Variants in TCF7L1 observed in about 807,000 individuals in gnomAD.
TCF7L1 encodes the protein transcription factor 7-like 1.
TCF7L1 carries 18 observed loss-of-function variants against 63.7 expected under a neutral mutation model. The observed-to-expected ratio is 0.28, with a 90% CI of 0.20 to 0.42. The LOEUF (loss-of-function observed/expected upper bound fraction) is 0.42, where lower values mean the gene tolerates loss of function less well. Among genes scored for constraint, TCF7L1 ranks in the 10% least tolerant of loss-of-function variants. The pLI is 1.00. For synonymous variants in TCF7L1, 355 were observed against 340.9 expected (o/e 1.04, Z -0.46); for missense variants, 654 against 779.3 (o/e 0.84, Z 1.91).
chr2:85,206,945 G>A (rs927940154), intron 3 of TCF7L1, among the ~76,000 whole-genome samples: 2 of 150,978 alleles, frequency 1.3e-5, no homozygotes, highest in African/African-American at 4.9e-5. Flanking sequence ...CCACTCTCTG[G>A]TCAGAAATGT....
At chr2:85,169,251 TA>T (rs1403185464) in intron 3 of TCF7L1, among the ~76,000 whole-genome samples, 1 of 152,054 alleles carries the variant, frequency 6.6e-6, no homozygotes, top group Non-Finnish European at 1.5e-5. Flanking sequence ...TGAACACACC[TA>T]GTGCGCTTCT....
intron 3 of TCF7L1, among the ~76,000 whole-genome samples, chr2:85,240,392 G>A (rs1680295778): frequency 1.3e-5 from 2 of 152,242 alleles, no homozygotes; most frequent in South Asian, 4.1e-4. Flanking sequence ...CCGGAGAGGA[G>A]TCAAAGGGCT....
intron 3 of TCF7L1, among the ~76,000 whole-genome samples, chr2:85,192,211 GTT>G (rs1679049301): frequency 1.3e-5 from 2 of 152,150 alleles, no homozygotes; most frequent in Non-Finnish European, 2.9e-5. Context: ...ATGACTACAT[GTT>G]TTCTATCCTC....
chr2:85,233,077 A>C (rs1680119641), intron 3 of TCF7L1: 1 of 151,934 alleles, frequency 6.6e-6, no homozygotes. Flanking sequence ...GACTACAGGT[A>C]TGTGCCACCA....
At chr2:85,161,638 G>C (rs1231309672) in intron 3 of TCF7L1, among the ~76,000 whole-genome samples, 2 of 152,218 alleles carry the variant, frequency 1.3e-5, no homozygotes, top group Non-Finnish European at 2.9e-5. Flanking sequence ...GAAGCTCAAG[G>C]AGCACAGAAG....
intron 3 of TCF7L1, among the ~76,000 whole-genome samples, chr2:85,236,738 C>T (rs555634778): frequency 1.3e-4 from 20 of 152,242 alleles, no homozygotes; most frequent in Admixed American, 5.2e-4. Flanking sequence ...GTCTGAGCTC[C>T]TGGGAGAAAG....
At chr2:85,189,814 C>T (rs951954896) in intron 3 of TCF7L1, among the ~76,000 whole-genome samples, 15 of 152,260 alleles carry the variant, frequency 9.9e-5, no homozygotes, top group African/African-American at 3.1e-4. Context: ...CTGAGAGGGG[C>T]GCTGCGAGCC....
At chr2:85,278,809 A>G (rs943097624) in intron 3 of TCF7L1, among the ~76,000 whole-genome samples, 4 of 152,354 alleles carry the variant, frequency 2.6e-5, no homozygotes, top group African/African-American at 7.2e-5. Flanking sequence ...ACATATGTAA[A>G]TCGAAGACAG....
chr2:85,144,417 C>CAAAAAAAAAA (rs55964315), intron 3 of TCF7L1, among the ~76,000 whole-genome samples: 1 of 95,046 alleles, frequency 1.1e-5, no homozygotes. Context: ...CCTGTCTCTA[C>CAAAAAAAAAA]AAAAAAAAAA....
At chr2:85,256,585 C>A (rs1182538871) in intron 3 of TCF7L1, among the ~76,000 whole-genome samples, 1 of 152,178 alleles carries the variant, frequency 6.6e-6, no homozygotes, top group Non-Finnish European at 1.5e-5. Context: ...GGGGTCGGCT[C>A]ACAGCTCATG....
At chr2:85,277,512 C>G (rs562879747) in intron 3 of TCF7L1, among the ~76,000 whole-genome samples, 156 of 152,190 alleles carry the variant, frequency 1.0e-3, no homozygotes, top group Non-Finnish European at 2.0e-3. Flanking sequence ...GATCCTGGCT[C>G]TAGGTCCCCA....
intron 3 of TCF7L1, among the ~76,000 whole-genome samples, chr2:85,245,065 G>C (rs745545604): frequency 4.6e-5 from 7 of 152,122 alleles, no homozygotes; most frequent in Non-Finnish European, 1.0e-4. Flanking sequence ...ATATAGACTT[G>C]GCACTCTGCC....
intron 3 of TCF7L1, among the ~76,000 whole-genome samples, chr2:85,150,454 G>C (rs1359817940): frequency 6.6e-6 from 1 of 152,020 alleles, no homozygotes; most frequent in African/African-American, 2.4e-5. Flanking sequence ...GGATGGTCTC[G>C]ATCTCCTGAC....
chr2:85,190,060 A>C (rs1013146989), intron 3 of TCF7L1, among the ~76,000 whole-genome samples: 3 of 151,868 alleles, frequency 2.0e-5, no homozygotes, highest in Non-Finnish European at 4.4e-5. Flanking sequence ...CTTTGTGTAC[A>C]CCTCTTGGAG....
intron 3 of TCF7L1, among the ~76,000 whole-genome samples, chr2:85,164,430 T>C (rs989875171): frequency 1.3e-5 from 2 of 152,062 alleles, no homozygotes; most frequent in African/African-American, 4.8e-5. Context: ...TGAAAACTCT[T>C]TGGACAAGAG....
intron 3 of TCF7L1, among the ~76,000 whole-genome samples, chr2:85,227,433 C>T (rs867063896): frequency 2.0e-5 from 3 of 150,890 alleles, no homozygotes; most frequent in Non-Finnish European, 4.4e-5. Flanking sequence ...AGAGTAATAC[C>T]CCCTCTTTTT....
intron 4 of TCF7L1, among the ~76,000 whole-genome samples, chr2:85,292,958 T>C (rs1411202506): frequency 2.0e-5 from 3 of 152,376 alleles, no homozygotes; most frequent in East Asian, 3.9e-4. Flanking sequence ...TTTCCACTGA[T>C]GGACCTGTGG....
rs530162923 is a variant in TCF7L1 at position 85,161,332 on chromosome 2, C to T, written c.441+26882C>T. Among the ~76,000 whole-genome samples the T allele has an allele frequency of 1.1e-3, 160 of 152,212 alleles. 1 individual carries two copies. Among genetic ancestry groups the T allele is most frequent in the African/African-American group, 3.6e-3 (149 of 41,546 alleles). On this transcript the variant is annotated intron_variant, in intron 3 of 11. Transcript: ENST00000282111. ...TGTGATTTACTTTCTTGGTTTTTGG[C>T]GCCTGAACTTGAAGTGATGGGCCCT... is the stretch of plus-strand genomic sequence containing the variant.
intron 3 of TCF7L1, among the ~76,000 whole-genome samples, chr2:85,203,994 C>A (rs1679336590): frequency 6.6e-6 from 1 of 151,998 alleles, no homozygotes; most frequent in Non-Finnish European, 1.5e-5. Context: ...GAGTTAGATC[C>A]CTACCTCATG....
Sources: allele counts gnomAD v4.1 joint callset (sites outside exome capture counted in the v4.1 genomes callset), GRCh38; gene constraint gnomAD v4.1.1; transcripts MANE v1.5; gene names NCBI Gene and HGNC (gene_info 2026-07-23, HGNC 2026-07-21).